Variants in HELZ observed in about 807,000 individuals in gnomAD.
The protein encoded by HELZ is ATP-dependent RNA helicase with zinc finger domain.
Under a neutral mutation model 218.2 loss-of-function variants are expected in HELZ, and 23 were observed. That is an observed-to-expected ratio of 0.11 (90% CI 0.08 to 0.15). The LOEUF is 0.15. Among genes scored for constraint, HELZ ranks in the 10% least tolerant of loss-of-function variants. HELZ has a pLI of 1.00. For synonymous variants in HELZ, 814 were observed against 829.4 expected (o/e 0.98, Z 0.32); for missense variants, 1,813 against 2,353.7 (o/e 0.77, Z 4.75).
At chr17:67,210,201 G>C (rs2040415612) in intron 5 of HELZ, among the ~76,000 whole-genome samples, 1 of 152,230 alleles carries the variant, frequency 6.6e-6, no homozygotes, top group South Asian at 2.1e-4. Flanking sequence ...TTCCAGTCTG[G>C]GTGACACCAT....
In HELZ at chr17:67,190,369, G is replaced by A; in HGVS notation, c.558-14C>T. 1 of 1,583,638 alleles carries A rather than the reference G, an allele frequency of 6.3e-7. No homozygotes were observed. Among genetic ancestry groups the A allele is most frequent in the Non-Finnish European group, 8.7e-7 (1 of 1,152,470 alleles). On this transcript the variant is annotated splice_polypyrimidine_tract_variant and intron_variant, in intron 9 of 32. Coordinates refer to ENST00000358691, the MANE Select transcript of HELZ (RefSeq NM_014877.4). ...TGTTCTAAAAATCTAAGTAGAATAG[G>A]AAAGACTGTTTTATCATATACTTTG...
intron 5 of HELZ, among the ~76,000 whole-genome samples, chr17:67,206,813 G>C (rs1328143356): frequency 6.6e-6 from 1 of 151,700 alleles, no homozygotes; most frequent in African/African-American, 2.4e-5. Context: ...TGGTCAGGCT[G>C]GTCTTGAACT....
intron 31 of HELZ, among the ~76,000 whole-genome samples, chr17:67,103,992 G>A (rs1292080986): frequency 6.6e-6 from 1 of 152,180 alleles, no homozygotes; most frequent in East Asian, 1.9e-4. Flanking sequence ...ATTCAATGGG[G>A]GAAAGGAGTC....
At chr17:67,241,245 T>C (rs2041306930) in intron 2 of HELZ, among the ~76,000 whole-genome samples, 1 of 152,244 alleles carries the variant, frequency 6.6e-6, no homozygotes, top group African/African-American at 2.4e-5. Flanking sequence ...TTGCTTATAA[T>C]TTTTTAAGTA....
At chr17:67,157,725 A>G (rs768113740) in intron 17 of HELZ, among the ~76,000 whole-genome samples, 4 of 152,250 alleles carry the variant, frequency 2.6e-5, no homozygotes, top group Non-Finnish European at 5.9e-5. Context: ...TTATTCCTGT[A>G]GTAAATTTAT....
At chr17:67,234,066 A>C (rs1273231773) in intron 3 of HELZ, among the ~76,000 whole-genome samples, 3 of 148,982 alleles carry the variant, frequency 2.0e-5, no homozygotes, top group Non-Finnish European at 4.5e-5. Context: ...AAAAAGAGAG[A>C]GAGAGAGAGA....
chr17:67,216,621 T>C (rs1268293052), intron 4 of HELZ, among the ~76,000 whole-genome samples: 1 of 152,060 alleles, frequency 6.6e-6, no homozygotes, highest in Non-Finnish European at 1.5e-5. Flanking sequence ...TGTATTTCAA[T>C]TCCTTCCCCC....
chr17:67,245,950 G>C (rs2041471933), upstream of HELZ: 1 of 152,154 alleles, frequency 6.6e-6, no homozygotes, highest in South Asian at 2.0e-4. Context: ...CCGGGCTGCG[G>C]ACTGTGACTC....
At chr17:67,181,308 G>C (rs2039606093) in intron 12 of HELZ, among the ~76,000 whole-genome samples, 1 of 152,132 alleles carries the variant, frequency 6.6e-6, no homozygotes, top group African/African-American at 2.4e-5. Flanking sequence ...TAAAATGACA[G>C]AGCTTTCCCT....
Position 67,109,523 on chromosome 17 carries a change from T to C in HELZ, c.4082A>G (p.His1361Arg), listed in dbSNP as rs769135609. Residue 1361 changes from histidine (H) to arginine (R), a missense_variant, in exon 29 of 33, where the codon CAT becomes CGT. Around this residue, in one of 4 missense-constraint regions of HELZ, gnomAD observed 938 missense variants for 1,027.5 expected, o/e 0.91. Coordinates refer to ENST00000358691, the MANE Select transcript of HELZ (RefSeq NM_014877.4). Reference protein sequence around the residue: ...AQYAIPNRHFHPLPQLPRPPF... With the variant: ...AQYAIPNRHFRPLPQLPRPPF... ...TGGTCTTGGTAGCTGGGGAAGGGGA[T>C]GAAAGTGGCGATTAGGGATTGCATA... is the stretch of plus-strand genomic sequence containing the variant. 5.6e-6 allele frequency: 9 copies of C among 1,613,968 alleles called. No homozygotes were observed. In the East Asian group the frequency reaches 8.9e-5, roughly 16 times the overall value.
At chr17:67,103,605 AAT>A (rs2036995607) in intron 31 of HELZ, among the ~76,000 whole-genome samples, 1 of 152,252 alleles carries the variant, frequency 6.6e-6, no homozygotes, top group African/African-American at 2.4e-5. Context: ...GTCCTGAACA[AAT>A]AGAAAGATGT....
intron 27 of HELZ, among the ~76,000 whole-genome samples, chr17:67,117,710 C>T (rs139467181): frequency 0.011 from 1,660 of 152,062 alleles, 18 homozygotes; most frequent in South Asian, 0.018. Flanking sequence ...CCACCATGCC[C>T]GGATCATTTT....
intron 24 of HELZ, among the ~76,000 whole-genome samples, chr17:67,124,245 A>G (rs1053336539): frequency 6.6e-6 from 1 of 152,162 alleles, no homozygotes; most frequent in African/African-American, 2.4e-5. Context: ...TCAGTTTCAA[A>G]TTAAGGGTAT....
At chr17:67,152,933 A>G (rs1017683681) in intron 17 of HELZ, among the ~76,000 whole-genome samples, 1 of 152,140 alleles carries the variant, frequency 6.6e-6, no homozygotes, top group Non-Finnish European at 1.5e-5. Context: ...AGATAGAAAT[A>G]GGAGTAACTG....
intron 32 of HELZ, among the ~76,000 whole-genome samples, chr17:67,082,333 T>C (rs1169004951): frequency 2.6e-5 from 4 of 152,208 alleles, no homozygotes; most frequent in African/African-American, 4.8e-5. Flanking sequence ...CACTAATATT[T>C]CTTTTTAAAA....
chr17:67,122,116 A>G (rs1371559572), intron 26 of HELZ, among the ~76,000 whole-genome samples: 1 of 152,234 alleles, frequency 6.6e-6, no homozygotes, highest in Non-Finnish European at 1.5e-5. Context: ...AAAGATTACA[A>G]AGGTGGCCAG....
chr17:67,151,050 T>A lies in HELZ; in HGVS notation c.2352A>T (p.Glu784Asp). Reference protein sequence around the residue: ...TSQYLCQLDLEPGFFTHILLD... With the variant: ...TSQYLCQLDLDPGFFTHILLD... The stretch of plus-strand genomic sequence containing the variant: ...CTGTGTCTTGAGTCAGCATACCAGG[T>A]TCAAGGTCCAACTGACAGAGGTACT... The change falls in exon 18 of 33, where the codon GAA becomes GAT. Residue 784 changes from glutamate to aspartate, a missense_variant. Physicochemically the swap from Glu to Asp is conservative, Grantham distance 45. Transcript: ENST00000358691. The A allele has an allele frequency of 6.2e-7, 1 of 1,613,338 alleles. No homozygotes were observed. Among genetic ancestry groups the A allele is most frequent in the Non-Finnish European group, 8.5e-7 (1 of 1,179,450 alleles).
intron 31 of HELZ, among the ~76,000 whole-genome samples, chr17:67,087,842 A>C (rs2036441106): frequency 6.6e-6 from 1 of 152,166 alleles, no homozygotes; most frequent in Non-Finnish European, 1.5e-5. Context: ...TTTTATAGTT[A>C]CCCAAGTGCT....
intron 30 of HELZ, 103 bp from the exon 31 acceptor site, chr17:67,107,788 A>T: frequency 4.1e-6 from 4 of 966,402 alleles, no homozygotes; most frequent in African/African-American, 1.7e-5. Flanking sequence ...AAATCATAGT[A>T]CTAATAACTA....
Sources: allele counts gnomAD v4.1 joint callset (sites outside exome capture counted in the v4.1 genomes callset), GRCh38; gene constraint gnomAD v4.1.1; regional missense constraint gnomAD v4.1.1; transcripts MANE v1.5; gene names NCBI Gene and HGNC (gene_info 2026-07-23, HGNC 2026-07-21).